IWS1: variants seen among roughly 807,000 people sequenced by gnomAD.
The protein encoded by IWS1 is interacts with SUPT6H, CTD assembly factor 1, also known as protein IWS1 homolog.
A neutral mutation model predicts 86.7 loss-of-function variants in IWS1; 27 were observed. That is an observed-to-expected ratio of 0.31 (90% confidence interval 0.23 to 0.43). The LOEUF is 0.43. IWS1 is among the 20% of genes least tolerant of loss of function. The pLI, the probability that IWS1 is intolerant of heterozygous loss-of-function variation, is 1.00. For synonymous variants in IWS1, 313 were observed against 335.1 expected, an observed-to-expected ratio of 0.93 and a Z score of 0.72; for missense variants, 827 against 1,000.8, an observed-to-expected ratio of 0.83 and a Z score of 2.34.
In IWS1 at chr2:127,489,847, C is replaced by T. The variant is rs1421467501; in HGVS notation, c.2144G>A (p.Arg715Gln). The change falls in exon 11 of 14, where the codon CGA becomes CAA. Residue 715 changes from arginine to glutamine, a missense_variant. This residue lies in a region of IWS1 where 279 missense variants were observed against 440.6 expected (regional missense o/e 0.63). Transcript: ENST00000295321. This position sits in a 1 kb window ranked among gnomAD's most constrained non-coding sequence, Gnocchi z 4.8. ...TCCCTCATACCTGTTCATTCTTCGT[C>T]GTTGAGGCATCTGTTCTAGATCTCT... is the stretch of plus-strand genomic sequence containing the variant. Reference protein sequence around the residue: ...EQRDLEQMPQRRRMNSTGGQT... With the variant: ...EQRDLEQMPQQRRMNSTGGQT... The T allele has an allele frequency of 1.9e-6, 3 of 1,599,542 alleles. No homozygotes were observed. In the South Asian group the frequency reaches 3.3e-5, roughly 18 times the overall value.
chr2:127,514,456 G>A (rs1042629581), intron 2 of IWS1: 2 of 154,264 alleles, frequency 1.3e-5, no homozygotes, highest in African/African-American at 4.8e-5. Context: ...TGGGCAGCAG[G>A]AACAAATAAG....
upstream of IWS1, chr2:127,526,743 T>G: frequency 3.4e-6 from 4 of 1,172,796 alleles, no homozygotes; most frequent in African/African-American, 1.6e-5. Context: ...GCTTTTGAGA[T>G]ACTCTTCCGA....
intron 2 of IWS1, among the ~76,000 whole-genome samples, chr2:127,511,766 A>G (rs1336554472): frequency 2.0e-5 from 3 of 152,254 alleles, no homozygotes; most frequent in Non-Finnish European, 4.4e-5. Context: ...TTTGCATTAA[A>G]CATTATTAGA....
intron 13 of IWS1, among the ~76,000 whole-genome samples, chr2:127,483,530 G>A (rs1005869810): frequency 7.0e-6 from 1 of 142,920 alleles, no homozygotes; most frequent in Non-Finnish European, 1.5e-5. Flanking sequence ...AAATCGACTA[G>A]GTGGTTTAAT....
intron 5 of IWS1, among the ~76,000 whole-genome samples, chr2:127,502,033 T>C (rs1690849846): frequency 6.6e-6 from 1 of 152,248 alleles, no homozygotes; most frequent in Non-Finnish European, 1.5e-5. Flanking sequence ...AGTCTATTAC[T>C]ATTGTCATCA....
rs1016836741 is a variant in IWS1, at chr2:127,489,457, T to C, written c.2160-222A>G. 1.8e-6 allele frequency: 1 copy of C among 561,416 alleles called. No individual in the cohort carries two copies. Among genetic ancestry groups the C allele is most frequent in the Non-Finnish European group, 3.2e-6 (1 of 315,256 alleles). The allele number at this position is 561,416 out of a possible 1,614,324, so 34.8% of individuals were successfully genotyped here. ...CCGTAATTGCCACATTTGTAACTAA[T>C]GACCCTGTCCTCCTGGATGCAACTG... is the stretch of plus-strand genomic sequence containing the variant. On this transcript the variant is annotated intron_variant, in intron 11 of 13. Transcript: ENST00000295321. This position sits in a 1 kb window ranked among gnomAD's most constrained non-coding sequence, Gnocchi z 4.8.
chr2:127,481,842 G>A (rs1161053417), intron 13 of IWS1, among the ~76,000 whole-genome samples: 1 of 152,104 alleles, frequency 6.6e-6, no homozygotes, highest in African/African-American at 2.4e-5. Context: ...TATAGTCAGT[G>A]CTCAAAATAA....
Position 127,505,585 on chromosome 2 carries a change from G to A in IWS1, c.318C>T (p.Ser106=), listed in dbSNP as rs1390039142. The A allele has an allele frequency of 1.5e-5, 24 of 1,613,542 alleles. No homozygotes were observed. Among genetic ancestry groups the A allele is most frequent in the East Asian group, 2.2e-5 (1 of 44,850 alleles). Residue 106 remains serine (S), a synonymous_variant, in exon 3 of 14, where the codon AGC becomes AGT. Transcript: ENST00000295321. This position sits in a 1 kb window ranked among gnomAD's most constrained non-coding sequence, Gnocchi z 5.0. ...GATTGACATCCTCATTTTCAGAATC[G>A]CTTGCAGGAGGCTCTGCACGTTCCT... is the stretch of plus-strand genomic sequence containing the variant. ...ESEERAEPPA[S]DSENEDVNQH...
chr2:127,487,212 T>G (rs1157174343), intron 12 of IWS1, among the ~76,000 whole-genome samples: 1 of 152,174 alleles, frequency 6.6e-6, no homozygotes, highest in Non-Finnish European at 1.5e-5. Flanking sequence ...GAGAGAGAGA[T>G]CCAATGTCTC....
chr2:127,492,976 G>A (rs1690311554), intron 9 of IWS1: 1 of 189,958 alleles, frequency 5.3e-6, no homozygotes, highest in South Asian at 1.8e-4. Context: ...AAGTTCATAT[G>A]ATTCTGAATT....
chr2:127,481,068 A>G lies in IWS1; in HGVS notation c.2436T>C (p.Ile812=), dbSNP rs1185610864. 6.8e-6 allele frequency: 11 copies of G among 1,611,892 alleles called. No homozygotes were observed. The African/African-American group carries it at 1.3e-4, about 20-fold the overall frequency. ...GTCACAATGGCATTTTGTTGCCCTC[A>G]ATGCTGATTTTCACTGCGTGTGCAG... The part of the protein sequence containing the change: ...SRSAHAVKIS[I]EGNKMPL The change falls in exon 14 of 14, where the codon ATT becomes ATC. Residue 812 remains isoleucine, a synonymous_variant. Transcript: ENST00000295321.
intron 10 of IWS1, 113 bp from the exon 11 acceptor site, chr2:127,490,056 T>C: frequency 1.4e-6 from 1 of 694,462 alleles, no homozygotes; most frequent in South Asian, 1.7e-5. Context: ...TATTCTTTCC[T>C]TGAAGAGTCC....
chr2:127,487,200 TAG>T (rs369565692), intron 12 of IWS1, among the ~76,000 whole-genome samples: 1 of 152,212 alleles, frequency 6.6e-6, no homozygotes, highest in South Asian at 2.1e-4. Context: ...TAAAAAATGA[TAG>T]AGAGAGAGAT....
chr2:127,492,201 T>G lies in IWS1; in HGVS notation c.1930-113A>C. ...ACAGAACAAATAAAAAATTCCATTT[T>G]CAGGATCTACAGACATAGAACACAA... On this transcript the variant is annotated intron_variant, in intron 9 of 13. Transcript: ENST00000295321. The G allele has an allele frequency of 7.3e-6, 5 of 681,962 alleles. 1 individual carries two copies. In the Middle Eastern group the frequency reaches 9.8e-4, roughly 133 times the overall value. The allele number at this position is 681,962 out of a possible 1,614,324, so 42.2% of individuals were successfully genotyped here.
chr2:127,493,869 A>G (rs1313511701), intron 8 of IWS1, among the ~76,000 whole-genome samples: 2 of 151,608 alleles, frequency 1.3e-5, no homozygotes, highest in Non-Finnish European at 2.9e-5. Context: ...ATAAAATAAT[A>G]CTTAAATTCC....
intron 5 of IWS1, among the ~76,000 whole-genome samples, chr2:127,500,434 C>G (rs981147191): frequency 6.6e-6 from 1 of 151,828 alleles, no homozygotes. Flanking sequence ...TTATTAGGCG[C>G]AAACAATTTT....
At chr2:127,512,790 C>T (rs1026017459) in intron 2 of IWS1, among the ~76,000 whole-genome samples, 2 of 152,212 alleles carry the variant, frequency 1.3e-5, no homozygotes, top group African/African-American at 4.8e-5. Context: ...GCCGCACCCA[C>T]ATGGATACCT....
chr2:127,492,614 A>G (rs1023789457), intron 9 of IWS1: 3 of 154,046 alleles, frequency 1.9e-5, no homozygotes, highest in African/African-American at 7.2e-5. Context: ...AAACCTAACA[A>G]TGTGAGAAAG....
chr2:127,493,329 A>C lies in IWS1; in HGVS notation c.1881T>G (p.Ser627Arg). 1 of 1,613,694 alleles carries C rather than the reference A, an allele frequency of 6.2e-7. No homozygotes were observed. Residue 627 changes from serine (S) to arginine (R), a missense_variant, in exon 9 of 14, where the codon AGT becomes AGG. Physicochemically the swap from Ser to Arg is moderately radical, Grantham distance 110. Transcript: ENST00000295321. ...KEWLSPLPDR[S>R]LPALKIREEL... is the part of the protein sequence containing the mutation. Reference sequence around the variant, plus strand: ...CCTCCCGGATCTTGAGTGCAGGCAAACTCCTATCTGGTAGAGGTGAGAGCC... The same window carrying C: ...CCTCCCGGATCTTGAGTGCAGGCAACCTCCTATCTGGTAGAGGTGAGAGCC...
Sources: gnomAD v4.1 joint callset for allele counts (sites outside exome capture counted in the v4.1 genomes callset) on GRCh38, gnomAD v4.1.1 for gene constraint, gnomAD v4.1.1 regional missense constraint, Gnocchi (gnomAD v3.1) non-coding constraint, MANE v1.5 for transcripts, NCBI Gene and HGNC (gene_info 2026-07-23, HGNC 2026-07-21) for gene names.